Variants in CCDC24 observed in about 807,000 individuals in gnomAD.
CCDC24 encodes the protein coiled-coil domain containing 24, also known as coiled-coil domain-containing protein 24.
In CCDC24, 34 loss-of-function variants were observed where a neutral mutation model predicts 31.6. That is an observed-to-expected ratio of 1.08 (90% CI 0.82 to 1.43). The LOEUF (loss-of-function observed/expected upper bound fraction) is 1.43. Among genes scored for constraint, CCDC24 ranks in the 40% most tolerant of loss-of-function variants. CCDC24 has a pLI of 0.00. For synonymous variants in CCDC24, 175 were observed against 157.3 expected, an observed-to-expected ratio of 1.11 and a Z score of -0.84; for missense variants, 426 against 391.1, an observed-to-expected ratio of 1.09 and a Z score of -0.75.
chr1:43,992,295 T>C lies in CCDC24; in HGVS notation c.210T>C (p.Leu70=). 6.2e-7 allele frequency: 1 copy of C among 1,614,062 alleles called. No homozygotes were observed. Among genetic ancestry groups the C allele is most frequent in the Non-Finnish European group, 8.5e-7 (1 of 1,180,022 alleles). Residue 70 remains leucine, a synonymous_variant, in exon 3 of 9, where the codon CTT becomes CTC. Coordinates refer to ENST00000372318, the MANE Select transcript of CCDC24 (RefSeq NM_152499.4). The part of the protein sequence containing the change: ...SSRPISDPSS[L]LAPPPLLKDL... The stretch of plus-strand genomic sequence containing the variant: ...GCCCCATCTCTGACCCCTCTTCTCT[T>C]CTGGCACCACCGCCTCTCCTAAAGG...
chr1:43,991,998 G>C lies in CCDC24; in HGVS notation c.120G>C (p.Arg40=). The C allele has an allele frequency of 2.7e-6, 4 of 1,502,816 alleles. No individual in the cohort carries two copies. The highest frequency in any genetic ancestry group is 3.6e-6 in the Non-Finnish European group (4 of 1,118,312). 93.1% of individuals were successfully genotyped at this position (1,502,816 alleles called of 1,614,324 possible). A position where few individuals can be genotyped will look rare whatever the true frequency, so the allele number is the denominator to read the frequency against. ...CGGTGGACCTGAGCCTGGAGCTGCG[G>C]GCGGAGGTGGGGAGAGGGAAGGTGG... ...EAAVDLSLEL[R]AEVAMLRALL... is the part of the protein sequence containing the mutation. The change falls in exon 2 of 9, where the codon CGG becomes CGC. Residue 40 remains arginine, a synonymous_variant. Coordinates refer to ENST00000372318, the MANE Select transcript of CCDC24 (RefSeq NM_152499.4).
intron 4 of CCDC24, 93 bp downstream of exon 4, chr1:43,992,732 C>T: frequency 2.6e-6 from 3 of 1,147,834 alleles, no homozygotes; most frequent in Non-Finnish European, 3.9e-6. Context: ...CAGGAGATTC[C>T]AGTCACGGGC....
intron 5 of CCDC24, chr1:43,994,466 A>C (rs1157031259): frequency 1.6e-5 from 2 of 121,224 alleles, no homozygotes. Flanking sequence ...TTTGAGATGG[A>C]GTCTTGTTCT....
Position 43,996,230 on chromosome 1 carries a change from T to C in CCDC24, c.*70T>C. On this transcript the variant is annotated 3_prime_UTR_variant, in exon 9 of 9. Coordinates refer to ENST00000372318, the MANE Select transcript of CCDC24 (RefSeq NM_152499.4). ...TGTCTGCCGCTGCCGCCTCAGCTGCTTTGGCCCAGCCAGCTTCAGATCTGG... is the reference window on the plus strand; with the variant it reads ...TGTCTGCCGCTGCCGCCTCAGCTGCCTTGGCCCAGCCAGCTTCAGATCTGG... The C allele has an allele frequency of 7.3e-7, 1 of 1,361,078 alleles. No homozygotes were observed. The highest frequency in any genetic ancestry group is 2.5e-5 in the East Asian group (1 of 39,820). The allele number at this position is 1,361,078 out of a possible 1,614,324, so 84.3% of individuals were successfully genotyped here. A position where few individuals can be genotyped will look rare whatever the true frequency, so the allele number is the denominator to read the frequency against.
At chr1:43,993,370 G>T (rs1356215435) in intron 4 of CCDC24, among the ~76,000 whole-genome samples, 1 of 151,902 alleles carries the variant, frequency 6.6e-6, no homozygotes, top group Non-Finnish European at 1.5e-5. Context: ...CTTGAGCTCA[G>T]GAATTCGGGG....
At position 43,995,004 on chromosome 1, in the gene CCDC24, T is replaced by G. The variant is rs1305899012; in HGVS notation, c.498-104T>G. The G allele has an allele frequency of 9.8e-7, 1 of 1,023,668 alleles. No individual in the cohort carries two copies. Among genetic ancestry groups the G allele is most frequent in the Admixed American group, 2.0e-5 (1 of 49,748 alleles). The allele number at this position is 1,023,668 out of a possible 1,614,324, so 63.4% of individuals were successfully genotyped here. ...CAGTGTGGGCTGAGGAAGGACAGGT[T>G]GGGTGGGGCTCCTGCTGAGGCTGGA... On this transcript the variant is annotated intron_variant, in intron 5 of 8. Transcript: ENST00000372318. This position sits in a 1 kb window ranked among gnomAD's most constrained non-coding sequence, Gnocchi z 4.3.
In CCDC24 at chr1:43,992,232, G is replaced by A. The variant is rs1488673206; in HGVS notation, c.147G>A (p.Leu49=). 3 of 1,613,480 alleles carry A rather than the reference G, an allele frequency of 1.9e-6. No homozygotes were observed. Among genetic ancestry groups the A allele is most frequent in the Middle Eastern group, 3.3e-4 (2 of 6,054 alleles). The change falls in exon 3 of 9, where the codon CTG becomes CTA. Residue 49 remains leucine (L), a synonymous_variant. Coordinates refer to ENST00000372318, the MANE Select transcript of CCDC24 (RefSeq NM_152499.4). ...TGCAGGTGGCGATGTTACGGGCACT[G>A]CTCCAAGAGGCTCGATCCTCTCAAG... The part of the protein sequence containing the change: ...LRAEVAMLRA[L]LQEARSSQAP...
chr1:43,991,976 T>C lies in CCDC24; in HGVS notation c.98T>C (p.Val33Ala). The change falls in exon 2 of 9, where the codon GTG (valine) becomes GCG (alanine). Residue 33 changes from valine to alanine, a missense_variant. By Grantham distance (64) the Val-to-Ala change is moderately conservative. Coordinates refer to ENST00000372318, the MANE Select transcript of CCDC24 (RefSeq NM_152499.4). ...AAGAGGATTCTGGGGGAGGCGGCGG[T>C]GGACCTGAGCCTGGAGCTGCGGGCG... is the stretch of plus-strand genomic sequence containing the variant. ...EVKRILGEAAVDLSLELRAEV... is the reference protein window; with the variant it reads ...EVKRILGEAAADLSLELRAEV... The C allele has an allele frequency of 6.6e-7, 1 of 1,521,854 alleles. No individual in the cohort carries two copies. The highest frequency in any genetic ancestry group is 8.9e-7 in the Non-Finnish European group (1 of 1,128,402). 94.3% of individuals were successfully genotyped at this position (1,521,854 alleles called of 1,614,324 possible). A position where few individuals can be genotyped will look rare whatever the true frequency, so the allele number is the denominator to read the frequency against.
chr1:43,996,267 T>C lies in CCDC24; in HGVS notation c.*107T>C. ...AGCTTCAGATCTGGTCTTGGCGAGC[T>C]CTCGCCAGGACCCCAAGGCTGTTGG... On this transcript the variant is annotated 3_prime_UTR_variant, in exon 9 of 9. Coordinates refer to ENST00000372318, the MANE Select transcript of CCDC24 (RefSeq NM_152499.4). 9.5e-7 allele frequency: 1 copy of C among 1,052,682 alleles called. No individual in the cohort carries two copies. Among genetic ancestry groups the C allele is most frequent in the Non-Finnish European group, 1.3e-6 (1 of 745,242 alleles). The allele number at this position is 1,052,682 out of a possible 1,614,324, so 65.2% of individuals were successfully genotyped here. A position where few individuals can be genotyped will look rare whatever the true frequency, so the allele number is the denominator to read the frequency against.
rs1446566080 is a variant in CCDC24 at position 43,991,683 on chromosome 1, G to A, written c.-96G>A. ...TCGGCCAAAAGCCGGGCAGAAGAGA[G>A]CGCCAAGGACTGGCAGTTCCGGAAC... is the stretch of plus-strand genomic sequence containing the variant. On this transcript the variant is annotated 5_prime_UTR_variant, in exon 1 of 9. Coordinates refer to ENST00000372318, the MANE Select transcript of CCDC24 (RefSeq NM_152499.4). 1 of 771,552 alleles carries A rather than the reference G, an allele frequency of 1.3e-6. No homozygotes were observed. The allele number at this position is 771,552 out of a possible 1,614,324, so 47.8% of individuals were successfully genotyped here.
chr1:43,995,559 C>A lies in CCDC24; in HGVS notation c.553-42C>A. ...GGCCTCTGTATCCTGCCTTGCCCCA[C>A]CCCTGCCTTGAGTCTGGGCACTGAC... On this transcript the variant is annotated intron_variant, in intron 6 of 8. Transcript: ENST00000372318. This position sits in a 1 kb window ranked among gnomAD's most constrained non-coding sequence, Gnocchi z 4.3. 1 of 1,548,578 alleles carries A rather than the reference C, an allele frequency of 6.5e-7. No homozygotes were observed. The highest frequency in any genetic ancestry group is 1.4e-5 in the African/African-American group (1 of 73,874).
chr1:43,992,778 C>G (rs2085770375), intron 4 of CCDC24, 139 bp downstream of exon 4: 1 of 784,366 alleles, frequency 1.3e-6, no homozygotes, highest in Non-Finnish European at 2.2e-6. Context: ...TAGAGATTAT[C>G]AGCCCATGAG....
intron 5 of CCDC24, 83 bp downstream of exon 5, chr1:43,994,047 A>G: frequency 7.9e-7 from 1 of 1,264,016 alleles, no homozygotes; most frequent in Non-Finnish European, 1.1e-6. Flanking sequence ...GTGAGACAGG[A>G]GGTGGGTAGT....
chr1:43,996,145 C>T lies in CCDC24; in HGVS notation c.909C>T (p.Pro303=). 6.3e-7 allele frequency: 1 copy of T among 1,594,836 alleles called. No homozygotes were observed. ...PASTPMSSAA[P]QAPA is the part of the protein sequence containing the mutation. ...CCACACCCATGTCCAGTGCAGCACC[C>T]CAAGCCCCAGCCTGAAGGGCTGGTC... The change falls in exon 9 of 9, where the codon CCC becomes CCT. Residue 303 remains proline, a synonymous_variant. Transcript: ENST00000372318.
In CCDC24 at chr1:43,995,435, A is replaced by G. The variant is rs2085823363; in HGVS notation, c.553-166A>G. The stretch of plus-strand genomic sequence containing the variant: ...GTACAGGCCCCACCACTATCTTGCC[A>G]AACTCAGCTCTTCCGCAAGGCTGGT... On this transcript the variant is annotated intron_variant, in intron 6 of 8. Coordinates refer to ENST00000372318, the MANE Select transcript of CCDC24 (RefSeq NM_152499.4). The surrounding 1 kb of genome is among the most constrained non-coding windows in gnomAD (Gnocchi z 4.3). 1 of 808,186 alleles carries G rather than the reference A, an allele frequency of 1.2e-6. No individual in the cohort carries two copies. Among genetic ancestry groups the G allele is most frequent in the African/African-American group, 1.7e-5 (1 of 57,784 alleles). 50.1% of individuals were successfully genotyped at this position (808,186 alleles called of 1,614,324 possible).
At position 43,992,443 on chromosome 1, in the gene CCDC24, C is replaced by T. The variant is rs577909505; in HGVS notation, c.302+56C>T. ...AGATACCAGGTGGGCTAGCGCTGCC[C>T]CTAACAAGGAGCCAGGGTTGCCTTT... On this transcript the variant is annotated intron_variant, in intron 3 of 8. Coordinates refer to ENST00000372318, the MANE Select transcript of CCDC24 (RefSeq NM_152499.4). 12 of 1,612,540 alleles carry T rather than the reference C, an allele frequency of 7.4e-6. No individual in the cohort carries two copies. The Admixed American group carries it at 8.3e-5, about 11-fold the overall frequency.
intron 4 of CCDC24, 38 bp downstream of exon 4, chr1:43,992,677 T>G (rs927095447): frequency 6.3e-7 from 1 of 1,594,326 alleles, no homozygotes; most frequent in Non-Finnish European, 8.6e-7. Context: ...TGTCCCTGCT[T>G]GGCAGAGGGC....
rs1334237500 is a variant in CCDC24, at chr1:43,995,047, G to A, written c.498-61G>A. 2 of 1,496,484 alleles carry A rather than the reference G, an allele frequency of 1.3e-6. No homozygotes were observed. Among genetic ancestry groups the A allele is most frequent in the Non-Finnish European group, 1.8e-6 (2 of 1,098,944 alleles). The allele number at this position is 1,496,484 out of a possible 1,614,324, so 92.7% of individuals were successfully genotyped here. On this transcript the variant is annotated intron_variant, in intron 5 of 8. Coordinates refer to ENST00000372318, the MANE Select transcript of CCDC24 (RefSeq NM_152499.4). The surrounding 1 kb of genome is among the most constrained non-coding windows in gnomAD (Gnocchi z 4.3). ...AGGCTGGAGGTTGGGGCCATGTGGT[G>A]GACTCAGCTGAGCCCTGGTCCTGTG...
rs1210632690 is a variant in CCDC24, at chr1:43,991,915, G to A, written c.37G>A (p.Glu13Lys). 6.5e-7 allele frequency: 1 copy of A among 1,550,298 alleles called. No homozygotes were observed. The highest frequency in any genetic ancestry group is 2.4e-5 in the East Asian group (1 of 41,134). ...RHSPSLWELV[E>K]EHVPLRERRE... is the part of the protein sequence containing the mutation. ...CTCCCCCTCGCTGTGGGAGCTGGTGGAGGAGCACGTTCCGCTCCGGGAGCG... is the reference window on the plus strand; with the variant it reads ...CTCCCCCTCGCTGTGGGAGCTGGTGAAGGAGCACGTTCCGCTCCGGGAGCG... Residue 13 changes from glutamate to lysine, a missense_variant, in exon 2 of 9, where the codon GAG becomes AAG. Glu to Lys is a moderately conservative substitution (Grantham distance 56). Coordinates refer to ENST00000372318, the MANE Select transcript of CCDC24 (RefSeq NM_152499.4).
Sources: allele counts gnomAD v4.1 joint callset (sites outside exome capture counted in the v4.1 genomes callset), GRCh38; gene constraint gnomAD v4.1.1; non-coding constraint Gnocchi (gnomAD v3.1); transcripts MANE v1.5; gene names NCBI Gene and HGNC (gene_info 2026-07-23, HGNC 2026-07-21).